Variants in ABCC6 observed in about 807,000 individuals in gnomAD.
ABCC6 encodes ATP-binding cassette sub-family C member 6.
Under a neutral mutation model 169.5 loss-of-function variants are expected in ABCC6, and 126 were observed. The observed-to-expected ratio is 0.74, with a 90% CI of 0.64 to 0.86. The LOEUF is 0.86. Among genes scored for constraint, ABCC6 ranks in the 40% least tolerant of loss-of-function variants. ABCC6 has a pLI of 0.00. For synonymous variants in ABCC6, 752 were observed against 814.7 expected (o/e 0.92, Z 1.31); for missense variants, 1,733 against 1,927.2 (o/e 0.90, Z 1.89).
intron 15 of ABCC6, among the ~76,000 whole-genome samples, chr16:16,183,348 C>T (rs577009170): frequency 2.0e-5 from 3 of 152,286 alleles, no homozygotes; most frequent in Admixed American, 2.0e-4. Flanking sequence ...CCTGCCTTGG[C>T]TCTTGCGATA....
At chr16:16,150,439 C>A in intron 30 of ABCC6, 139 bp downstream of exon 30, 4 of 1,495,208 alleles carry the variant, frequency 2.7e-6, no homozygotes, top group South Asian at 1.3e-5. Context: ...GGCATGTGTT[C>A]CCGGGCATTC....
At chr16:16,205,371 T>C (rs2376794) in intron 7 of ABCC6, among the ~76,000 whole-genome samples, 24 of 152,276 alleles carry the variant, frequency 1.6e-4, no homozygotes, top group South Asian at 1.2e-3. Context: ...ATTTATGGTT[T>C]GTAAAGGGTT....
At chr16:16,157,907 T>C in intron 26 of ABCC6, 98 bp from the exon 27 acceptor site, 1 of 1,327,350 alleles carries the variant, frequency 7.5e-7, no homozygotes, top group East Asian at 2.4e-5. Flanking sequence ...TTCCGCAAAA[T>C]GGACGTATTT....
intron 6 of ABCC6, among the ~76,000 whole-genome samples, chr16:16,209,843 A>G (rs1322577576): frequency 6.6e-6 from 1 of 151,000 alleles, no homozygotes; most frequent in East Asian, 2.0e-4. Flanking sequence ...CAATCCTCCC[A>G]CCTCAGCCTC....
In ABCC6 at chr16:16,150,246, G is replaced by C. The variant is rs58190361; in HGVS notation, c.4404-5C>G. 5.6e-6 allele frequency: 9 copies of C among 1,613,934 alleles called. No homozygotes were observed. Among genetic ancestry groups the C allele is most frequent in the East Asian group, 2.2e-5 (1 of 44,886 alleles). Reference sequence around the variant, plus strand: ...CCCTTGTCCATGACCAGAACCCTGTGGGGGAGAGGGAGACAGAGAGGCTCT... The same window carrying C: ...CCCTTGTCCATGACCAGAACCCTGTCGGGGAGAGGGAGACAGAGAGGCTCT... On this transcript the variant is annotated splice_region_variant and splice_polypyrimidine_tract_variant and intron_variant, in intron 30 of 30. Transcript: ENST00000205557.
At chr16:16,212,397 C>T in intron 5 of ABCC6, 151 bp from the exon 6 acceptor site, 1 of 591,456 alleles carries the variant, frequency 1.7e-6, no homozygotes, top group South Asian at 2.0e-5. Flanking sequence ...CTACCTCTGC[C>T]TCCTGGGTTC....
intron 7 of ABCC6, 113 bp from the exon 8 acceptor site, chr16:16,203,726 A>G: frequency 8.6e-7 from 1 of 1,156,110 alleles, no homozygotes; most frequent in South Asian, 1.3e-5. Context: ...GTGGGTGTGG[A>G]TCTAGCCTGG....
At chr16:16,184,885 T>G in intron 15 of ABCC6, 74 bp downstream of exon 15, 2 of 1,487,554 alleles carry the variant, frequency 1.3e-6, no homozygotes, top group Non-Finnish European at 1.9e-6. Flanking sequence ...ACCTCTCAGG[T>G]GGGAGGCAGC....
Position 16,185,029 on chromosome 16 carries a change from C to T in ABCC6, c.1873G>A (p.Gly625Arg), listed in dbSNP as rs780626660. ...CTGTGTATGGTGATGCAATCCTTCC[C>T]GGCAGCTGCAGGGCACAAGAGGCCA... ...VDSSSSGSAA[G>R]KDCITIHSAT... The change falls in exon 15 of 31, where the codon GGG (glycine) becomes AGG (arginine). Residue 625 changes from glycine to arginine, a missense_variant. Around this residue, in one of 5 missense-constraint regions of ABCC6, gnomAD observed 1,601 missense variants for 1,635.5 expected, o/e 0.98. Transcript: ENST00000205557. 93 of 1,613,430 alleles carry T rather than the reference C, an allele frequency of 5.8e-5. No homozygotes were observed. Among genetic ancestry groups the T allele is most frequent in the Non-Finnish European group, 7.2e-5 (85 of 1,179,526 alleles).
In ABCC6 at chr16:16,150,740, C is replaced by G. The variant is rs775319351; in HGVS notation, c.4241G>C (p.Arg1414Pro). Residue 1414 changes from arginine (R) to proline (P), a missense_variant, in exon 30 of 31, where the codon CGT (arginine) becomes CCT (proline). This residue lies in a region of ABCC6 where 1,601 missense variants were observed against 1,635.5 expected (regional missense o/e 0.98). Coordinates refer to ENST00000205557, the MANE Select transcript of ABCC6 (RefSeq NM_001171.6). ...VGQKQLLCLA[R>P]ALLRKTQILI... The stretch of plus-strand genomic sequence containing the variant: ...GATCTGGGTCTTCCGGAGAAGGGCA[C>G]GTGCCAGACACAGGAGCTGTTTCTG... The G allele has an allele frequency of 1.2e-6, 2 of 1,613,878 alleles. No homozygotes were observed. The highest frequency in any genetic ancestry group is 2.2e-5 in the South Asian group (2 of 91,052).
At chr16:16,206,311 G>A (rs1018003470) in intron 7 of ABCC6, among the ~76,000 whole-genome samples, 1 of 152,116 alleles carries the variant, frequency 6.6e-6, no homozygotes, top group African/African-American at 2.4e-5. Context: ...TGGGCAAGGT[G>A]TGAGTTGGGG....
intron 4 of ABCC6, among the ~76,000 whole-genome samples, chr16:16,216,307 G>GT (rs1567545883): frequency 2.0e-5 from 3 of 151,318 alleles, no homozygotes; most frequent in Admixed American, 1.3e-4. Flanking sequence ...TATTCTTTCT[G>GT]TTTTTTTGTA....
At chr16:16,189,917 C>T (rs988326570) in intron 12 of ABCC6, among the ~76,000 whole-genome samples, 6 of 152,164 alleles carry the variant, frequency 3.9e-5, no homozygotes, top group Non-Finnish European at 5.9e-5. Flanking sequence ...CTCCCCACAT[C>T]GGTAGAAGCC....
rs772451530 is a variant in ABCC6, at chr16:16,155,078, G to A, written c.3883-47C>T. 1.7e-5 allele frequency: 26 copies of A among 1,532,822 alleles called. No individual in the cohort carries two copies. The East Asian group carries it at 5.2e-4, about 30-fold the overall frequency. 95.0% of individuals were successfully genotyped at this position (1,532,822 alleles called of 1,614,324 possible). On this transcript the variant is annotated intron_variant, in intron 27 of 30. Transcript: ENST00000205557. ...GGCCTGCTCTGACCAGAGGGTTTGT[G>A]GGCATTTATTGGGGAGATCTTTCTG...
chr16:16,169,413 AGTG>A (rs2046985402), intron 22 of ABCC6, among the ~76,000 whole-genome samples: 3 of 152,152 alleles, frequency 2.0e-5, no homozygotes. Context: ...GCCTTCCGCT[AGTG>A]GGGAGGGACT....
intron 19 of ABCC6, 78 bp downstream of exon 19, chr16:16,177,374 C>G: frequency 1.3e-6 from 2 of 1,552,752 alleles, no homozygotes; most frequent in South Asian, 1.1e-5. Context: ...TCCATTCATG[C>G]CAGTAGGACC....
intron 9 of ABCC6, among the ~76,000 whole-genome samples, chr16:16,200,866 A>G (rs950827364): frequency 2.8e-4 from 43 of 151,460 alleles, no homozygotes; most frequent in Admixed American, 4.6e-4. Flanking sequence ...AACGGACAAG[A>G]GCCACTGCAC....
At chr16:16,179,061 G>T (rs557332129) in intron 17 of ABCC6, 96 bp from the exon 18 acceptor site, 62 of 1,367,538 alleles carry the variant, frequency 4.5e-5, no homozygotes, top group Non-Finnish European at 6.1e-5. Flanking sequence ...CTGCCCATCA[G>T]GGTGAGGTAC....
intron 5 of ABCC6, 27 bp downstream of exon 5, chr16:16,214,297 G>A (rs1457413969): frequency 1.3e-6 from 2 of 1,550,080 alleles, no homozygotes; most frequent in South Asian, 2.4e-5. Flanking sequence ...AGTGGAACAG[G>A]AATGAGGTTG....
Sources: gnomAD v4.1 joint callset for allele counts (sites outside exome capture counted in the v4.1 genomes callset) on GRCh38, gnomAD v4.1.1 for gene constraint, gnomAD v4.1.1 regional missense constraint, MANE v1.5 for transcripts, NCBI Gene and HGNC (gene_info 2026-07-23, HGNC 2026-07-21) for gene names.